DLG2: variants seen among roughly 807,000 people sequenced by gnomAD.
DLG2 encodes the protein disks large homolog 2.
A neutral mutation model predicts 132.5 loss-of-function variants in DLG2; 45 were observed. The observed-to-expected ratio is 0.34, with a 90% CI of 0.27 to 0.44. The LOEUF (loss-of-function observed/expected upper bound fraction) is 0.44. Ranked by LOEUF, DLG2 falls within the 20% of genes least tolerant of loss-of-function variation. DLG2 has a pLI of 1.00. For synonymous variants in DLG2, 424 were observed against 419.6 expected, an observed-to-expected ratio of 1.01 and a Z score of -0.13; for missense variants, 1,045 against 1,196.9, an observed-to-expected ratio of 0.87 and a Z score of 1.87.
chr11:83,888,566 C>A (rs1349525690), intron 15 of DLG2, among the ~76,000 whole-genome samples: 17 of 152,158 alleles, frequency 1.1e-4, no homozygotes, highest in Non-Finnish European at 5.9e-5. Flanking sequence ...CATCAAGCTA[C>A]CAATGACTTT....
chr11:83,468,630 C>T (rs908421776), intron 25 of DLG2, among the ~76,000 whole-genome samples: 2 of 152,120 alleles, frequency 1.3e-5, no homozygotes, highest in African/African-American at 4.8e-5. Flanking sequence ...AAATAGGATC[C>T]CTCTGTAGGC....
At chr11:84,278,846 G>C (rs1598940760) in intron 7 of DLG2, among the ~76,000 whole-genome samples, 1 of 151,400 alleles carries the variant, frequency 6.6e-6, no homozygotes, top group East Asian at 1.9e-4. Context: ...TTAAGTTCTG[G>C]GGTACATGTG....
intron 22 of DLG2, among the ~76,000 whole-genome samples, chr11:83,474,171 C>T (rs2092386636): frequency 6.6e-6 from 1 of 152,018 alleles, no homozygotes; most frequent in African/African-American, 2.4e-5. Context: ...GGGACTCTGC[C>T]ACATTGGTCA....
At chr11:83,469,770 C>CA (rs1460451203) in intron 24 of DLG2, among the ~76,000 whole-genome samples, 3 of 152,116 alleles carry the variant, frequency 2.0e-5, no homozygotes, top group African/African-American at 7.2e-5. Flanking sequence ...AAAGGTTACT[C>CA]TAGACTTACT....
chr11:84,384,188 T>C (rs2098759616), intron 7 of DLG2, among the ~76,000 whole-genome samples: 1 of 151,508 alleles, frequency 6.6e-6, no homozygotes, highest in African/African-American at 2.4e-5. Flanking sequence ...CATTTTATCA[T>C]TGAACATAGA....
intron 11 of DLG2, among the ~76,000 whole-genome samples, chr11:84,003,384 C>T (rs930005746): frequency 1.3e-5 from 2 of 152,132 alleles, no homozygotes; most frequent in African/African-American, 2.4e-5. Context: ...ACTCCTGGTA[C>T]CATTTTCCTG....
chr11:84,431,875 G>C (rs1027518400), intron 7 of DLG2, among the ~76,000 whole-genome samples: 2 of 152,134 alleles, frequency 1.3e-5, no homozygotes, highest in Admixed American at 6.5e-5. Flanking sequence ...TTCATGATGT[G>C]TTATGGTTTC....
At chr11:84,189,975 C>T (rs1270786864) in intron 8 of DLG2, among the ~76,000 whole-genome samples, 3 of 148,434 alleles carry the variant, frequency 2.0e-5, no homozygotes, top group Non-Finnish European at 1.5e-5. Context: ...TAACCCAGAA[C>T]TTAAAAATTA....
chr11:84,176,000 T>G (rs1027140184), intron 8 of DLG2, among the ~76,000 whole-genome samples: 1 of 152,146 alleles, frequency 6.6e-6, no homozygotes, highest in African/African-American at 2.4e-5. Flanking sequence ...ATTTTTAGAT[T>G]ATGGTAACAA....
chr11:83,994,652 G>A (rs2093926406), intron 11 of DLG2, among the ~76,000 whole-genome samples: 1 of 152,108 alleles, frequency 6.6e-6, no homozygotes, highest in African/African-American at 2.4e-5. Flanking sequence ...AATGCAGTGA[G>A]CTACTTCATC....
chr11:84,810,280 T>C (rs1039264203), intron 6 of DLG2, among the ~76,000 whole-genome samples: 1 of 152,054 alleles, frequency 6.6e-6, no homozygotes. Context: ...AATAATCCAA[T>C]TGGAAATTAG....
intron 19 of DLG2, among the ~76,000 whole-genome samples, chr11:83,549,313 G>C (rs1004178453): frequency 6.6e-6 from 1 of 152,072 alleles, no homozygotes; most frequent in Non-Finnish European, 1.5e-5. Flanking sequence ...AGAAACACAC[G>C]GTTAAGTCAG....
chr11:84,573,354 G>C (rs2154528068), intron 6 of DLG2, among the ~76,000 whole-genome samples: 1 of 152,102 alleles, frequency 6.6e-6, no homozygotes, highest in East Asian at 1.9e-4. Context: ...TTAATCTAAA[G>C]GAAAGCATTA....
At chr11:83,581,433 T>G (rs759809452) in intron 19 of DLG2, among the ~76,000 whole-genome samples, 1 of 152,174 alleles carries the variant, frequency 6.6e-6, no homozygotes, top group Non-Finnish European at 1.5e-5. Flanking sequence ...ATGCTCTGTT[T>G]TATGTTAAAG....
At chr11:84,143,439 G>T (rs181090863) in intron 9 of DLG2, among the ~76,000 whole-genome samples, 131 of 152,230 alleles carry the variant, frequency 8.6e-4, no homozygotes, top group Non-Finnish European at 1.6e-3. Flanking sequence ...GACTACATGT[G>T]CATTTTTAAT....
intron 6 of DLG2, among the ~76,000 whole-genome samples, chr11:85,106,633 T>TATAACATA (rs1279072129): frequency 6.6e-6 from 1 of 152,050 alleles, no homozygotes; most frequent in African/African-American, 2.4e-5. Context: ...CTTAATTATG[T>TATAACATA]GCCAGGTGCT....
chr11:83,557,473 G>A (rs898665073), intron 19 of DLG2, among the ~76,000 whole-genome samples: 2 of 152,116 alleles, frequency 1.3e-5, no homozygotes, highest in African/African-American at 2.4e-5. Context: ...GGAATTTCTC[G>A]TTACCTCCAA....
At chr11:83,707,021 A>G (rs1167588034) in intron 18 of DLG2, among the ~76,000 whole-genome samples, 1 of 152,246 alleles carries the variant, frequency 6.6e-6, no homozygotes, top group Non-Finnish European at 1.5e-5. Flanking sequence ...CTTAATTATC[A>G]AAATCAACTC....
intron 11 of DLG2, among the ~76,000 whole-genome samples, chr11:84,024,054 G>A (rs2095473785): frequency 6.6e-6 from 1 of 152,110 alleles, no homozygotes; most frequent in South Asian, 2.1e-4. Flanking sequence ...GCTGTTCATA[G>A]TTAAGTTTTG....
Sources: gnomAD v4.1 joint callset for allele counts (sites outside exome capture counted in the v4.1 genomes callset) on GRCh38, gnomAD v4.1.1 for gene constraint, MANE v1.5 for transcripts, NCBI Gene and HGNC (gene_info 2026-07-23, HGNC 2026-07-21) for gene names.